Variants in WDR59 observed in about 807,000 individuals in gnomAD.
WDR59 encodes the protein GATOR2 complex protein WDR59.
Under a neutral mutation model 131.2 loss-of-function variants are expected in WDR59, and 100 were observed. That is an observed-to-expected ratio of 0.76 (90% CI 0.65 to 0.90). The LOEUF (loss-of-function observed/expected upper bound fraction) is 0.90, where lower values mean the gene tolerates loss of function less well. Among genes scored for constraint, WDR59 ranks in the 40% least tolerant of loss-of-function variants. The pLI, the probability that WDR59 is intolerant of heterozygous loss-of-function variation, is 0.00. For missense variants in WDR59, 1,203 were observed against 1,262.2 expected (o/e 0.95, Z 0.71); for synonymous variants, 601 against 466.2 (o/e 1.29, Z -3.72).
intron 8 of WDR59, among the ~76,000 whole-genome samples, chr16:74,936,445 G>A (rs1431630574): frequency 5.3e-5 from 8 of 152,046 alleles, no homozygotes; most frequent in Non-Finnish European, 1.0e-4. Context: ...CAACAAACTT[G>A]GGCATCTCAT....
chr16:74,966,484 A>C (rs1049210516), intron 1 of WDR59, among the ~76,000 whole-genome samples: 1 of 152,072 alleles, frequency 6.6e-6, no homozygotes, highest in African/African-American at 2.4e-5. Context: ...CATCTCAAAA[A>C]ATAAATAAAA....
intron 7 of WDR59, among the ~76,000 whole-genome samples, chr16:74,939,133 G>T (rs774167452): frequency 6.6e-6 from 1 of 151,922 alleles, no homozygotes; most frequent in African/African-American, 2.4e-5. Context: ...TTTGTGACCA[G>T]TCTGGCCAAC....
In WDR59 at chr16:74,904,026, T is replaced by C. The variant is rs753460616; in HGVS notation, c.1787A>G (p.Asn596Ser). 5 of 1,612,832 alleles carry C rather than the reference T, an allele frequency of 3.1e-6. No homozygotes were observed. In the South Asian group the frequency reaches 5.5e-5, roughly 18 times the overall value. Residue 596 changes from asparagine (N) to serine (S), a missense_variant, in exon 18 of 26, where the codon AAC becomes AGC. Physicochemically the swap from Asn to Ser is conservative, Grantham distance 46 (BLOSUM62 1). Transcript: ENST00000262144. ...GGGGCTCCCACTGTATAAACGAAGG[T>C]TCCCAGGGGCCTCTGTGCGGATCTT... ...PMKIRTEAPG[N>S]LRLYSGSPTR...
intron 3 of WDR59, among the ~76,000 whole-genome samples, chr16:74,953,819 G>A (rs1383997111): frequency 6.6e-6 from 1 of 151,504 alleles, no homozygotes; most frequent in Non-Finnish European, 1.5e-5. Flanking sequence ...GGCTAACAGG[G>A]CGAAACCCTG....
At chr16:74,928,148 C>A (rs1341756312) in intron 8 of WDR59, among the ~76,000 whole-genome samples, 2 of 151,080 alleles carry the variant, frequency 1.3e-5, no homozygotes, top group Non-Finnish European at 2.9e-5. Flanking sequence ...CATCGTGATC[C>A]ACTCACCCCA....
At chr16:74,914,211 T>C (rs1292639640) in intron 13 of WDR59, among the ~76,000 whole-genome samples, 1 of 151,092 alleles carries the variant, frequency 6.6e-6, no homozygotes, top group Non-Finnish European at 1.5e-5. Context: ...AGGCTCCATC[T>C]CAATAAAAAA....
Position 74,976,644 on chromosome 16 carries a change from T to C in WDR59, c.54+8320A>G, listed in dbSNP as rs187135243. Among the ~76,000 whole-genome samples, 346 of 152,258 alleles carry C rather than the reference T, an allele frequency of 2.3e-3. 4 individuals carry two copies. The highest frequency in any genetic ancestry group is 6.8e-3 in the Middle Eastern group (2 of 294). On this transcript the variant is annotated intron_variant, in intron 1 of 25. Coordinates refer to ENST00000262144, the MANE Select transcript of WDR59 (RefSeq NM_030581.4). Reference sequence around the variant, plus strand: ...TTTTAGTAGAGACAGGGTTTCACTGTGTTAGCCAGGATGGTCTCGATCTTC... The same window carrying C: ...TTTTAGTAGAGACAGGGTTTCACTGCGTTAGCCAGGATGGTCTCGATCTTC...
At chr16:74,875,147 C>T (rs1483041330) in intron 25 of WDR59, among the ~76,000 whole-genome samples, 1 of 152,202 alleles carries the variant, frequency 6.6e-6, no homozygotes, top group South Asian at 2.1e-4. Context: ...TTTACCAACG[C>T]CTGCTACTGC....
At chr16:74,919,965 G>A (rs2030012898) in intron 10 of WDR59, among the ~76,000 whole-genome samples, 1 of 152,028 alleles carries the variant, frequency 6.6e-6, no homozygotes, top group Non-Finnish European at 1.5e-5. Flanking sequence ...CAGCTACTCA[G>A]GTGGCTGAGG....
At chr16:74,881,642 A>T (rs1454688314) in intron 25 of WDR59, among the ~76,000 whole-genome samples, 1 of 152,084 alleles carries the variant, frequency 6.6e-6, no homozygotes, top group African/African-American at 2.4e-5. Flanking sequence ...TGGGAGGCCC[A>T]GGTGGGTGGA....
intron 10 of WDR59, among the ~76,000 whole-genome samples, chr16:74,920,485 C>G (rs1309503072): frequency 6.6e-6 from 1 of 152,180 alleles, no homozygotes; most frequent in Non-Finnish European, 1.5e-5. Flanking sequence ...ACTGAAACCT[C>G]TGCCTCCTGG....
intron 1 of WDR59, among the ~76,000 whole-genome samples, chr16:74,981,634 A>T (rs1261310594): frequency 1.8e-4 from 2 of 10,846 alleles, no homozygotes; most frequent in African/African-American, 3.6e-4. Context: ...ATATATATAT[A>T]TATATATATA....
chr16:74,944,272 C>T (rs1484100313), intron 6 of WDR59, among the ~76,000 whole-genome samples: 1 of 152,042 alleles, frequency 6.6e-6, no homozygotes, highest in Admixed American at 6.6e-5. Flanking sequence ...TCAAGACCAG[C>T]CTGGCAAACA....
At chr16:74,917,897 T>G (rs1384428227) in intron 11 of WDR59, 32 bp downstream of exon 11, 1 of 1,593,182 alleles carries the variant, frequency 6.3e-7, no homozygotes, top group Non-Finnish European at 8.6e-7. Context: ...TGGATTCAGG[T>G]ACATTTCTCC....
chr16:74,883,422 T>C (rs1232504411), intron 25 of WDR59, among the ~76,000 whole-genome samples: 1 of 152,148 alleles, frequency 6.6e-6, no homozygotes, highest in Non-Finnish European at 1.5e-5. Flanking sequence ...CAGTTCAGGG[T>C]TCAGCTTTAT....
chr16:74,889,022 G>A (rs967274025), intron 21 of WDR59, among the ~76,000 whole-genome samples: 4 of 152,248 alleles, frequency 2.6e-5, no homozygotes, highest in South Asian at 4.1e-4. Context: ...AGTCTTACAC[G>A]AAATAAGTAG....
intron 2 of WDR59, among the ~76,000 whole-genome samples, chr16:74,961,951 T>G (rs1041659771): frequency 6.6e-6 from 1 of 152,206 alleles, no homozygotes; most frequent in Admixed American, 6.5e-5. Flanking sequence ...TAATCCATCT[T>G]GAGTTTATTT....
At chr16:74,896,186 C>T (rs912102062) in intron 18 of WDR59, among the ~76,000 whole-genome samples, 1 of 152,090 alleles carries the variant, frequency 6.6e-6, no homozygotes, top group African/African-American at 2.4e-5. Context: ...TCTAAAACAC[C>T]GATCCAGGCA....
chr16:74,975,867 T>C (rs2034159696), intron 1 of WDR59, among the ~76,000 whole-genome samples: 1 of 150,368 alleles, frequency 6.7e-6, no homozygotes, highest in Admixed American at 6.6e-5. Context: ...AAAAAAAAAA[T>C]AGGCCAGGTG....
Sources: gnomAD v4.1 joint callset for allele counts (sites outside exome capture counted in the v4.1 genomes callset) on GRCh38, gnomAD v4.1.1 for gene constraint, MANE v1.5 for transcripts, NCBI Gene and HGNC (gene_info 2026-07-23, HGNC 2026-07-21) for gene names.